The following PBX1 variants were observed in gnomAD, a reference collection of about 807,000 sequenced individuals.
The protein encoded by PBX1 is pre-B-cell leukemia transcription factor 1.
In PBX1, 6 loss-of-function variants were observed where a neutral mutation model predicts 53.4. The ratio of observed to expected loss-of-function variants is 0.11; its 90% CI spans 0.06 to 0.22. The LOEUF is 0.22. Among genes scored for constraint, PBX1 ranks in the 10% least tolerant of loss-of-function variants. The pLI is 1.00. For missense variants in PBX1, 251 were observed against 551.4 expected (o/e 0.46, Z 5.46); for synonymous variants, 204 against 212.3 (o/e 0.96, Z 0.34).
At chr1:164,643,669 G>T (rs1183364632) in intron 2 of PBX1, among the ~76,000 whole-genome samples, 1 of 152,166 alleles carries the variant, frequency 6.6e-6, no homozygotes, top group East Asian at 1.9e-4. Context: ...CTTATGACAT[G>T]CTGGGCATAC....
At chr1:164,580,196 A>T in intron 2 of PBX1, among the ~76,000 whole-genome samples, 1 of 152,192 alleles carries the variant, frequency 6.6e-6, no homozygotes, top group African/African-American at 2.4e-5. Context: ...CAAAACAAGT[A>T]AAGAGGATAA....
intron 2 of PBX1, among the ~76,000 whole-genome samples, chr1:164,778,470 C>T (rs556358567): frequency 6.6e-6 from 1 of 151,990 alleles, no homozygotes; most frequent in South Asian, 2.1e-4. Context: ...ATAGGGAGGC[C>T]CTATCTCTAC....
At chr1:164,715,308 G>A (rs1446477620) in intron 2 of PBX1, among the ~76,000 whole-genome samples, 1 of 152,164 alleles carries the variant, frequency 6.6e-6, no homozygotes, top group African/African-American at 2.4e-5. Flanking sequence ...GTAGTATATG[G>A]AAGACCTTTC....
intron 2 of PBX1, among the ~76,000 whole-genome samples, chr1:164,677,381 C>T (rs753395956): frequency 9.1e-4 from 138 of 152,084 alleles, no homozygotes; most frequent in Non-Finnish European, 1.1e-3. Flanking sequence ...CGTGAGCCAC[C>T]GCGCCCGGCC....
chr1:164,736,674 A>T (rs1225974558), intron 2 of PBX1, among the ~76,000 whole-genome samples: 1 of 152,230 alleles, frequency 6.6e-6, no homozygotes, highest in Non-Finnish European at 1.5e-5. Context: ...TGTGAAGCAA[A>T]TATGAGGCAG....
At chr1:164,820,262 C>A in intron 7 of PBX1, 78 bp downstream of exon 7, 1 of 836,118 alleles carries the variant, frequency 1.2e-6, no homozygotes, top group East Asian at 2.4e-5. Flanking sequence ...CTTCCTGCTT[C>A]TGTCCAGAGA....
At position 164,793,872 on chromosome 1, in the gene PBX1, CT is replaced by C. The variant is rs72414989; in HGVS notation, c.510+1154del. On this transcript the variant is annotated intron_variant, in intron 3 of 8. Transcript: ENST00000420696. ...CTTTCTTTTCTTTTTTTTTTCCTTT[CT>C]TTTTTTTTTTTTTTTTTTTGAGATG... 2.8e-3 allele frequency among the ~76,000 whole-genome samples: 218 copies of C among 78,216 alleles called. 2 individuals are homozygous for C. The highest frequency in any genetic ancestry group is 0.011 in the East Asian group (32 of 2,798). The allele number at this position is 78,216 out of a possible 152,430, so 51.3% of individuals were successfully genotyped here. A position where few individuals can be genotyped will look rare whatever the true frequency, so the allele number is the denominator to read the frequency against.
chr1:164,843,276 C>T (rs372164540), intron 8 of PBX1, among the ~76,000 whole-genome samples: 1 of 152,192 alleles, frequency 6.6e-6, no homozygotes, highest in South Asian at 2.1e-4. Context: ...CCACATTCCC[C>T]AGCATGACAT....
At chr1:164,667,316 A>T (rs369135059) in intron 2 of PBX1, among the ~76,000 whole-genome samples, 3 of 151,978 alleles carry the variant, frequency 2.0e-5, no homozygotes, top group Non-Finnish European at 2.9e-5. Context: ...TGCCTTGTAG[A>T]AGTTTATAAT....
At chr1:164,642,354 C>T (rs1035433175) in intron 2 of PBX1, among the ~76,000 whole-genome samples, 4 of 152,104 alleles carry the variant, frequency 2.6e-5, no homozygotes, top group Non-Finnish European at 5.9e-5. Flanking sequence ...TAGGTATGAC[C>T]CCAGATATTT....
At chr1:164,806,555 A>C (rs1041375232) in intron 4 of PBX1, among the ~76,000 whole-genome samples, 1 of 152,196 alleles carries the variant, frequency 6.6e-6, no homozygotes, top group Non-Finnish European at 1.5e-5. Flanking sequence ...ATGGCTGCAG[A>C]AGCTCTGCAT....
At chr1:164,567,939 A>G (rs1490932946) in intron 2 of PBX1, among the ~76,000 whole-genome samples, 1 of 152,058 alleles carries the variant, frequency 6.6e-6, no homozygotes, top group Non-Finnish European at 1.5e-5. Flanking sequence ...TGGGGCATTG[A>G]GCTGGGCCGG....
rs551697787 is a variant in PBX1, at chr1:164,850,531, G to C, written c.*3855G>C. ...GTTTATTGGGGGGCTTTTTTTAATT[G>C]TCAGGATTATGATCTTGCTGTTTTT... is the stretch of plus-strand genomic sequence containing the variant. On this transcript the variant is annotated 3_prime_UTR_variant, in exon 9 of 9. Coordinates refer to ENST00000420696, the MANE Select transcript of PBX1 (RefSeq NM_002585.4). The C allele has an allele frequency of 1.0e-5, 2 of 192,826 alleles. No individual in the cohort carries two copies. Among genetic ancestry groups the C allele is most frequent in the Admixed American group, 1.2e-4 (2 of 16,320 alleles). The allele number at this position is 192,826 out of a possible 1,614,324, so 11.9% of individuals were successfully genotyped here. A position where few individuals can be genotyped will look rare whatever the true frequency, so the allele number is the denominator to read the frequency against.
chr1:164,858,831 C>A (rs985042550), intron 2 of PBX1, among the ~76,000 whole-genome samples: 1 of 152,150 alleles, frequency 6.6e-6, no homozygotes, highest in Admixed American at 6.5e-5. Flanking sequence ...TGGTCTTGGA[C>A]AAAACTACGC....
chr1:164,709,983 T>G (rs1177217199), intron 2 of PBX1, among the ~76,000 whole-genome samples: 1 of 152,084 alleles, frequency 6.6e-6, no homozygotes, highest in African/African-American at 2.4e-5. Flanking sequence ...GCTCCCTGGG[T>G]GTGAGGCCCA....
intron 2 of PBX1, among the ~76,000 whole-genome samples, chr1:164,753,091 A>G (rs1326379176): frequency 6.6e-6 from 1 of 152,214 alleles, no homozygotes; most frequent in Non-Finnish European, 1.5e-5. Flanking sequence ...GAATAGTGAA[A>G]ACGATCTGAA....
At chr1:164,621,222 T>A (rs1197368243) in intron 2 of PBX1, among the ~76,000 whole-genome samples, 3 of 148,394 alleles carry the variant, frequency 2.0e-5, no homozygotes, top group Non-Finnish European at 4.5e-5. Context: ...CTCTTGACCT[T>A]GTGATCCGCC....
At chr1:164,885,270 G>T (rs191543113) in intron 2 of PBX1, among the ~76,000 whole-genome samples, 61 of 152,252 alleles carry the variant, frequency 4.0e-4, no homozygotes, top group African/African-American at 1.4e-3. Flanking sequence ...ACATCATTTA[G>T]TATGGCTGGG....
chr1:164,663,160 G>A (rs1290695924), intron 2 of PBX1, among the ~76,000 whole-genome samples: 2 of 143,332 alleles, frequency 1.4e-5, no homozygotes, highest in Non-Finnish European at 3.1e-5. Flanking sequence ...CTTCTTGCCT[G>A]CCTGCCTTCC....
Sources: gnomAD v4.1 joint callset for allele counts (sites outside exome capture counted in the v4.1 genomes callset) on GRCh38, gnomAD v4.1.1 for gene constraint, MANE v1.5 for transcripts, NCBI Gene and HGNC (gene_info 2026-07-23, HGNC 2026-07-21) for gene names.